The following CASP10 variants were observed in gnomAD, a reference collection of about 807,000 sequenced individuals.
CASP10 encodes the protein caspase-10.
Under a neutral mutation model 48.5 loss-of-function variants are expected in CASP10, and 41 were observed. The ratio of observed to expected loss-of-function variants is 0.85; its 90% CI spans 0.66 to 1.10. The LOEUF (loss-of-function observed/expected upper bound fraction) is 1.10. CASP10 is among the 50% of genes least tolerant of loss of function. The pLI, the probability that CASP10 is intolerant of heterozygous loss-of-function variation, is 0.00. For missense variants in CASP10, 614 were observed against 614.5 expected (o/e 1.00, Z 0.01); for synonymous variants, 232 against 238.4 (o/e 0.97, Z 0.25).
At chr2:201,203,481 AT>A (rs1945094540) in intron 5 of CASP10, among the ~76,000 whole-genome samples, 1 of 151,674 alleles carries the variant, frequency 6.6e-6, no homozygotes, top group Non-Finnish European at 1.5e-5. Flanking sequence ...TAATTTTTTT[AT>A]TTTTAGTAGA....
Position 201,209,308 on chromosome 2 carries a change from T to C in CASP10, c.1161T>C (p.Pro387=), listed in dbSNP as rs772403192. ...CTCACTTCACAGCCCTGCAGTGCCC[T>C]AGACTGGCTGAAAAACCTAAACTCT... The part of the protein sequence containing the change: ...IMSHFTALQC[P]RLAEKPKLFF... The change falls in exon 9 of 10, where the codon CCT becomes CCC. Residue 387 remains proline (P), a synonymous_variant. Coordinates refer to ENST00000286186, the MANE Select transcript of CASP10 (RefSeq NM_032977.4). 120 of 1,614,038 alleles carry C rather than the reference T, an allele frequency of 7.4e-5. No individual in the cohort carries two copies. The highest frequency in any genetic ancestry group is 9.9e-5 in the Non-Finnish European group (117 of 1,180,042).
At chr2:201,185,505 T>C (rs1368528960) in intron 1 of CASP10, among the ~76,000 whole-genome samples, 23 of 152,164 alleles carry the variant, frequency 1.5e-4, no homozygotes, top group Non-Finnish European at 2.9e-5. Context: ...TCTGGGAACA[T>C]TTTGATTTGG....
chr2:201,218,120 CT>C lies in CASP10; in HGVS notation c.*382del. 2 of 829,654 alleles carry C rather than the reference CT, an allele frequency of 2.4e-6. No homozygotes were observed. Among genetic ancestry groups the C allele is most frequent in the Non-Finnish European group, 3.1e-6 (2 of 645,580 alleles). The allele number at this position is 829,654 out of a possible 1,614,324, so 51.4% of individuals were successfully genotyped here. On this transcript the variant is annotated 3_prime_UTR_variant, in exon 10 of 10. Coordinates refer to ENST00000286186, the MANE Select transcript of CASP10 (RefSeq NM_032977.4). ...TTTTTGTAGAGATGGAGGGATCTCA[CT>C]TTGTTGCACAGGCTGGTTTCAAACT...
At chr2:201,203,833 T>C in intron 6 of CASP10, 67 bp downstream of exon 6, 2 of 1,224,650 alleles carry the variant, frequency 1.6e-6, no homozygotes, top group South Asian at 2.4e-5. Flanking sequence ...ATTTGATATA[T>C]ACCAAGGAAT....
At chr2:201,206,252 G>A (rs1316642928) in intron 7 of CASP10, 7 of 281,574 alleles carry the variant, frequency 2.5e-5, no homozygotes, top group Admixed American at 4.9e-5. Context: ...TATTTCTGGA[G>A]AGGGGTAGTT....
At chr2:201,205,995 C>A in intron 7 of CASP10, 22 bp downstream of exon 7, 4 of 1,530,482 alleles carry the variant, frequency 2.6e-6, no homozygotes, top group South Asian at 1.1e-5. Flanking sequence ...TTCTTTTATT[C>A]CTTTTTTAAT....
At chr2:201,217,064 G>A (rs935172721) in intron 9 of CASP10, among the ~76,000 whole-genome samples, 5 of 152,180 alleles carry the variant, frequency 3.3e-5, no homozygotes, top group East Asian at 1.9e-4. Flanking sequence ...TGCCATCCTC[G>A]GTAAATGTTT....
chr2:201,229,134 T>G, exon 10 of CASP10: 1 of 1,611,508 alleles, frequency 6.2e-7, no homozygotes, highest in Non-Finnish European at 8.5e-7. Context: ...TCGCCTGAGA[T>G]TGACAACGCC....
Position 201,219,922 on chromosome 2 carries a change from G to T in CASP10, c.*2181G>T, listed in dbSNP as rs41443046. The T allele has an allele frequency of 3.3e-4, 326 of 985,382 alleles. 3 individuals carry two copies. The African/African-American group carries it at 5.4e-3, about 16-fold the overall frequency. 61.0% of individuals were successfully genotyped at this position (985,382 alleles called of 1,614,324 possible). ...TGACTTCAGCCAGGTGAACTGGAATGCCTTGGGGCGTGGAAGGGCATTAGG... is the reference window on the plus strand; with the variant it reads ...TGACTTCAGCCAGGTGAACTGGAATTCCTTGGGGCGTGGAAGGGCATTAGG... On this transcript the variant is annotated 3_prime_UTR_variant, in exon 10 of 10. Transcript: ENST00000286186.
At chr2:201,195,298 G>A (rs1290333592) in intron 4 of CASP10, among the ~76,000 whole-genome samples, 1 of 151,830 alleles carries the variant, frequency 6.6e-6, no homozygotes, top group African/African-American at 2.4e-5. Context: ...CACCACTTTG[G>A]CCAGGCTGGT....
chr2:201,216,341 C>T (rs1463097257), intron 9 of CASP10, among the ~76,000 whole-genome samples: 4 of 151,896 alleles, frequency 2.6e-5, no homozygotes, highest in Non-Finnish European at 2.9e-5. Flanking sequence ...CGCATTCTAG[C>T]CTGGGCAACA....
Position 201,221,331 on chromosome 2 carries a change from C to A in CASP10, c.*3590C>A. 2 of 970,068 alleles carry A rather than the reference C, an allele frequency of 2.1e-6. No homozygotes were observed. The highest frequency in any genetic ancestry group is 9.4e-5 in the South Asian group (2 of 21,228). The allele number at this position is 970,068 out of a possible 1,614,324, so 60.1% of individuals were successfully genotyped here. A position where few individuals can be genotyped will look rare whatever the true frequency, so the allele number is the denominator to read the frequency against. ...TCAGGCCTCTGAGCCCAAGCTAAGC[C>A]ATCATATCCCTTGTGACCTGCACAT... On this transcript the variant is annotated 3_prime_UTR_variant, in exon 10 of 10. Coordinates refer to ENST00000286186, the MANE Select transcript of CASP10 (RefSeq NM_032977.4).
chr2:201,196,119 C>T (rs1944789362), intron 5 of CASP10, 171 bp downstream of exon 5: 1 of 582,440 alleles, frequency 1.7e-6, no homozygotes, highest in Non-Finnish European at 3.1e-6. Context: ...AACCAGAGTG[C>T]ACATTTTCTG....
At chr2:201,201,261 T>C (rs1396085635) in intron 5 of CASP10, among the ~76,000 whole-genome samples, 1 of 151,834 alleles carries the variant, frequency 6.6e-6, no homozygotes, top group African/African-American at 2.4e-5. Context: ...CCATGTTGAC[T>C]TAAGGTGATC....
rs1158397187 is a variant in CASP10 at position 201,221,162 on chromosome 2, G to A, written c.*3421G>A. 19 of 985,226 alleles carry A rather than the reference G, an allele frequency of 1.9e-5. No individual in the cohort carries two copies. The highest frequency in any genetic ancestry group is 6.2e-5 in the Admixed American group (1 of 16,254). 61.0% of individuals were successfully genotyped at this position (985,226 alleles called of 1,614,324 possible). A position where few individuals can be genotyped will look rare whatever the true frequency, so the allele number is the denominator to read the frequency against. On this transcript the variant is annotated 3_prime_UTR_variant, in exon 10 of 10. Coordinates refer to ENST00000286186, the MANE Select transcript of CASP10 (RefSeq NM_032977.4). ...CGTAATTCCAGCTGACTTTATTAGC[G>A]GCAACTCAGCACTAGCATTACCCCT...
At chr2:201,229,110 G>A (rs765085330) in exon 10 of CASP10, 1 of 1,613,390 alleles carries the variant, frequency 6.2e-7, no homozygotes, top group Admixed American at 1.7e-5. Context: ...CCTTCTGCCT[G>A]CCTTCCAGCC....
chr2:201,187,144 G>A (rs1944442685), intron 2 of CASP10, among the ~76,000 whole-genome samples: 1 of 152,230 alleles, frequency 6.6e-6, no homozygotes, highest in African/African-American at 2.4e-5. Context: ...CCTTGAGTCA[G>A]TGGAAGGAAT....
intron 5 of CASP10, chr2:201,200,425 A>T (rs769219883): frequency 3.5e-5 from 56 of 1,596,472 alleles, no homozygotes; most frequent in Non-Finnish European, 4.5e-5. Flanking sequence ...GTAAAGAAGG[A>T]CCCTCCTTTC....
At chr2:201,184,115 C>T (rs766938269) in intron 1 of CASP10, among the ~76,000 whole-genome samples, 5 of 147,918 alleles carry the variant, frequency 3.4e-5, no homozygotes, top group Admixed American at 6.6e-5. Flanking sequence ...AGGCTTGTCC[C>T]GAATTCCTGG....
Sources: gnomAD v4.1 joint callset for allele counts (sites outside exome capture counted in the v4.1 genomes callset) on GRCh38, gnomAD v4.1.1 for gene constraint, MANE v1.5 for transcripts, NCBI Gene and HGNC (gene_info 2026-07-23, HGNC 2026-07-21) for gene names.